Variants in FHOD3 observed in about 807,000 individuals in gnomAD.
The protein encoded by FHOD3 is formin homology 2 domain containing 3, also known as FH1/FH2 domain-containing protein 3.
In FHOD3, 90 loss-of-function variants were observed where a neutral mutation model predicts 173.0. The ratio of observed to expected loss-of-function variants is 0.52; its 90% CI spans 0.44 to 0.62. The LOEUF (loss-of-function observed/expected upper bound fraction) is 0.62. Among genes scored for constraint, FHOD3 ranks in the 20% least tolerant of loss-of-function variants. The pLI is 0.00. For missense variants in FHOD3, 1,945 were observed against 2,034.7 expected, an observed-to-expected ratio of 0.96 and a Z score of 0.85; for synonymous variants, 828 against 823.0, an observed-to-expected ratio of 1.01 and a Z score of -0.10.
intron 8 of FHOD3, among the ~76,000 whole-genome samples, chr18:36,602,990 G>GGAC (rs751871835): frequency 6.6e-6 from 1 of 152,152 alleles, no homozygotes; most frequent in Non-Finnish European, 1.5e-5. Flanking sequence ...AGCCACAAGA[G>GGAC]GACAGGCAGA....
At chr18:36,503,425 C>T (rs1436275242) in intron 4 of FHOD3, among the ~76,000 whole-genome samples, 1 of 152,128 alleles carries the variant, frequency 6.6e-6, no homozygotes, top group Non-Finnish European at 1.5e-5. Context: ...AGGGAATAGG[C>T]AAAAGGGAAG....
intron 27 of FHOD3, among the ~76,000 whole-genome samples, chr18:36,764,585 A>G (rs1021127127): frequency 6.6e-6 from 1 of 152,132 alleles, no homozygotes; most frequent in Non-Finnish European, 1.5e-5. Context: ...GGATCTCAGT[A>G]ATAGAACATA....
chr18:36,425,406 A>G (rs1022841088), intron 3 of FHOD3, among the ~76,000 whole-genome samples: 1 of 152,188 alleles, frequency 6.6e-6, no homozygotes, highest in African/African-American at 2.4e-5. Context: ...AATGAAGGGG[A>G]GGGATGGAAA....
At chr18:36,298,376 C>A (rs979146125) in intron 1 of FHOD3, among the ~76,000 whole-genome samples, 3 of 152,138 alleles carry the variant, frequency 2.0e-5, no homozygotes, top group Non-Finnish European at 4.4e-5. Context: ...CCAAGCGGGG[C>A]GCGGGAAGAA....
chr18:36,380,543 C>CTTTCTTTTCTTTTCT (rs1157752890), intron 3 of FHOD3, among the ~76,000 whole-genome samples: 14 of 119,482 alleles, frequency 1.2e-4, no homozygotes, highest in African/African-American at 4.2e-4. Context: ...CTTTCTCTCT[C>CTTTCTTTTCTTTTCT]TTTCTTTTGT....
At chr18:36,394,032 A>G (rs184415464) in intron 3 of FHOD3, among the ~76,000 whole-genome samples, 1 of 152,304 alleles carries the variant, frequency 6.6e-6, no homozygotes, top group Admixed American at 6.5e-5. Context: ...CACACAGATG[A>G]GCGTGAGCAG....
chr18:36,723,310 A>G (rs559074212), intron 19 of FHOD3, among the ~76,000 whole-genome samples: 5 of 152,328 alleles, frequency 3.3e-5, no homozygotes, highest in African/African-American at 1.2e-4. Flanking sequence ...ATTTCTGACT[A>G]AGGATTCCTC....
At position 36,509,282 on chromosome 18, in the gene FHOD3, C is replaced by G. The variant is rs570973264; in HGVS notation, c.406-3156C>G. Among the ~76,000 whole-genome samples the G allele has an allele frequency of 5.3e-5, 8 of 152,100 alleles. No homozygotes were observed. The East Asian group carries it at 1.5e-3, about 29-fold the overall frequency. On this transcript the variant is annotated intron_variant, in intron 4 of 28. Transcript: ENST00000590592. ...CAGTATTTATGCAAAAAGAAATTAG[C>G]CGGGCATGGTGGCGGGCGCCTGTAG... is the stretch of plus-strand genomic sequence containing the variant.
intron 10 of FHOD3, among the ~76,000 whole-genome samples, chr18:36,641,970 G>T (rs1248752073): frequency 6.7e-6 from 1 of 148,930 alleles, no homozygotes; most frequent in East Asian, 2.0e-4. Flanking sequence ...AAAAAAAATT[G>T]TTAAATAGAG....
intron 3 of FHOD3, among the ~76,000 whole-genome samples, chr18:36,396,932 A>G (rs1376142688): frequency 6.6e-6 from 1 of 152,062 alleles, no homozygotes; most frequent in Admixed American, 6.6e-5. Context: ...TAGAAACATG[A>G]CTGATTGCAT....
chr18:36,339,348 C>G (rs2045491764), intron 1 of FHOD3, among the ~76,000 whole-genome samples: 1 of 152,160 alleles, frequency 6.6e-6, no homozygotes, highest in Non-Finnish European at 1.5e-5. Flanking sequence ...TAGCCCAGAA[C>G]CCAACAGGAA....
At chr18:36,519,676 T>A (rs1441187946) in intron 5 of FHOD3, among the ~76,000 whole-genome samples, 2 of 152,150 alleles carry the variant, frequency 1.3e-5, no homozygotes, top group African/African-American at 2.4e-5. Flanking sequence ...TGACCTTTGG[T>A]GGGACAAAGT....
At chr18:36,660,378 G>C (rs1328343734) in intron 14 of FHOD3, among the ~76,000 whole-genome samples, 1 of 152,186 alleles carries the variant, frequency 6.6e-6, no homozygotes, top group East Asian at 1.9e-4. Context: ...TTGGAAACAG[G>C]AGACAGGAGG....
intron 7 of FHOD3, among the ~76,000 whole-genome samples, chr18:36,595,517 C>T (rs1245832911): frequency 2.6e-5 from 4 of 152,140 alleles, no homozygotes; most frequent in Admixed American, 2.6e-4. Flanking sequence ...ACCCCCTTAC[C>T]TTGGGCATGT....
intron 9 of FHOD3, among the ~76,000 whole-genome samples, chr18:36,614,057 G>A (rs148475160): frequency 8.5e-4 from 130 of 152,142 alleles, no homozygotes; most frequent in African/African-American, 3.1e-3. Context: ...CAATTTAATG[G>A]TTTTTAGCAT....
chr18:36,549,111 C>T (rs1191491370), intron 5 of FHOD3, among the ~76,000 whole-genome samples: 2 of 152,138 alleles, frequency 1.3e-5, no homozygotes, highest in African/African-American at 2.4e-5. Flanking sequence ...TTAATTTTAG[C>T]CATTCTACTA....
intron 3 of FHOD3, among the ~76,000 whole-genome samples, chr18:36,469,873 T>C (rs1413038478): frequency 6.6e-6 from 1 of 152,194 alleles, no homozygotes; most frequent in Non-Finnish European, 1.5e-5. Context: ...TAAGCCAGGA[T>C]AAGCATTATT....
chr18:36,687,174 G>A lies in FHOD3; in HGVS notation c.2017G>A (p.Glu673Lys). ...AGAGGAGCAAAGGCAAGCAAGAGAA[G>A]AAAGGTTTGTATATTTCTTCTTTCC... ...KREEQRQAREERYKYLEQLAA... is the reference protein window; with the variant it reads ...KREEQRQAREKRYKYLEQLAA... Residue 673 changes from glutamate to lysine, a missense_variant, in exon 16 of 29, where the codon GAA becomes AAA. Glu to Lys is a moderately conservative substitution (Grantham distance 56, BLOSUM62 1). Around this residue, in one of 5 missense-constraint regions of FHOD3, gnomAD observed 1,099 missense variants for 1,051.2 expected, o/e 1.05. Coordinates refer to ENST00000590592, the MANE Select transcript of FHOD3 (RefSeq NM_001281740.3). The A allele has an allele frequency of 6.2e-7, 1 of 1,609,754 alleles. No individual in the cohort carries two copies. Among genetic ancestry groups the A allele is most frequent in the African/African-American group, 1.3e-5 (1 of 74,972 alleles).
chr18:36,558,665 A>C (rs1436502430), intron 5 of FHOD3, among the ~76,000 whole-genome samples: 1 of 152,210 alleles, frequency 6.6e-6, no homozygotes, highest in Non-Finnish European at 1.5e-5. Flanking sequence ...TATGTTTATC[A>C]AAAAGGAGAG....
Sources: gnomAD v4.1 joint callset for allele counts (sites outside exome capture counted in the v4.1 genomes callset) on GRCh38, gnomAD v4.1.1 for gene constraint, gnomAD v4.1.1 regional missense constraint, MANE v1.5 for transcripts, NCBI Gene and HGNC (gene_info 2026-07-23, HGNC 2026-07-21) for gene names.